Variants in TP53I13 observed in about 807,000 individuals in gnomAD.
TP53I13 encodes the protein tumor protein p53 inducible protein 13, also known as tumor protein p53-inducible protein 13.
In TP53I13, 27 loss-of-function variants were observed where a neutral mutation model predicts 39.1. That is an observed-to-expected ratio of 0.69 (90% CI 0.51 to 0.95). The LOEUF (loss-of-function observed/expected upper bound fraction) is 0.95. TP53I13 is among the 40% of genes least tolerant of loss of function. The probability of loss-of-function intolerance (pLI) is 0.00; values close to 1 mark genes in which losing one functional copy is unlikely to be tolerated. For missense variants in TP53I13, 544 were observed against 520.4 expected (o/e 1.05, Z -0.44); for synonymous variants, 230 against 224.6 (o/e 1.02, Z -0.22).
In TP53I13 at chr17:29,568,937, C is replaced by G; in HGVS notation, c.73-81C>G. ...CGCCGAGGGGGACGCGGAGTTCTTCCGCTGGCGGGCTGGGCCTGGGGAGAG... is the reference window on the plus strand; with the variant it reads ...CGCCGAGGGGGACGCGGAGTTCTTCGGCTGGCGGGCTGGGCCTGGGGAGAG... On this transcript the variant is annotated intron_variant, in intron 1 of 6. Transcript: ENST00000301057. The surrounding 1 kb of genome is among the most constrained non-coding windows in gnomAD (Gnocchi z 4.5). 2 of 1,594,942 alleles carry G rather than the reference C, an allele frequency of 1.3e-6. No homozygotes were observed. The highest frequency in any genetic ancestry group is 1.7e-6 in the Non-Finnish European group (2 of 1,172,876).
At chr17:29,581,979 C>T in the TP53I13 span, 1 of 1,612,912 alleles carries the variant, frequency 6.2e-7, no homozygotes, top group Non-Finnish European at 8.5e-7. This position sits in a 1 kb window ranked among gnomAD's most constrained non-coding sequence, Gnocchi z 4.8. Flanking sequence ...CCAGGGTCAG[C>T]CCCATACACT....
At chr17:29,566,302 A>G (rs1455246355), upstream of TP53I13, 2 of 1,611,690 alleles carry the variant, frequency 1.2e-6, no homozygotes, top group East Asian at 2.2e-5. Context: ...TCGGAAGCGG[A>G]TGTATGTGAC....
the TP53I13 span, chr17:29,581,721 C>T: frequency 1.3e-5 from 21 of 1,590,988 alleles, no homozygotes; most frequent in South Asian, 2.2e-5. The surrounding 1 kb of genome is among the most constrained non-coding windows in gnomAD (Gnocchi z 4.8). Flanking sequence ...CACAGCCAGG[C>T]GCCCCCCAAG....
At chr17:29,575,227 C>T (rs965496338), downstream of TP53I13, 2 of 1,567,070 alleles carry the variant, frequency 1.3e-6, no homozygotes, top group Non-Finnish European at 1.7e-6. The surrounding 1 kb of genome is among the most constrained non-coding windows in gnomAD (Gnocchi z 5.5). Context: ...CTCATGCTCT[C>T]TGCAACACCC....
chr17:29,573,211 G>T (rs1046938603), downstream of TP53I13: 4 of 319,128 alleles, frequency 1.3e-5, no homozygotes, highest in Admixed American at 2.0e-4. Context: ...CCGGACCCTC[G>T]TCCTAGGCCA....
chr17:29,573,233 T>G (rs368571618), downstream of TP53I13: 29 of 288,974 alleles, frequency 1.0e-4, no homozygotes, highest in Admixed American at 3.2e-4. Context: ...GGAGGTGGTG[T>G]TTGAGGCAGC....
chr17:29,576,098 C>T (rs748760392), downstream of TP53I13: 9 of 1,613,646 alleles, frequency 5.6e-6, no homozygotes, highest in African/African-American at 2.7e-5. Context: ...CCAGCAGGGA[C>T]GTGCACTGAA....
chr17:29,573,214 C>T (rs2033039644), downstream of TP53I13: 2 of 317,250 alleles, frequency 6.3e-6, no homozygotes, highest in East Asian at 5.4e-5. Context: ...GACCCTCGTC[C>T]TAGGCCATGG....
At chr17:29,575,276 T>G, downstream of TP53I13, 1 of 1,602,590 alleles carries the variant, frequency 6.2e-7, no homozygotes, top group Non-Finnish European at 8.5e-7. The surrounding 1 kb of genome is among the most constrained non-coding windows in gnomAD (Gnocchi z 5.5). Context: ...CACCTCCCCC[T>G]CCACTCAGTA....
downstream of TP53I13, chr17:29,574,514 C>G (rs1319815277): frequency 1.5e-6 from 1 of 647,950 alleles, no homozygotes; most frequent in African/African-American, 1.9e-5. Context: ...AAGCTCCTGC[C>G]CCCCCACCTC....
Position 29,571,669 on chromosome 17 carries a change from TG to T in TP53I13, c.263del (p.Cys88LeufsTer21), listed in dbSNP as rs1476805570. 2 of 1,614,138 alleles carry T rather than the reference TG, an allele frequency of 1.2e-6. No individual in the cohort carries two copies. The highest frequency in any genetic ancestry group is 1.7e-6 in the Non-Finnish European group (2 of 1,180,014). On this transcript the variant is annotated frameshift_variant, in exon 4 of 7. Transcript: ENST00000301057. LOFTEE classifies it high-confidence loss of function. ...CCAGCTTGCCCTCCTGGCCTATGCT[TG>T]TATGGCTAACCCTTCCCTCACCCCT... ...KLQLALLAYACMANPSLTPDF... is the reference protein window; with the variant it reads ...KLQLALLAYAXMANPSLTPDF...
In TP53I13 at chr17:29,572,400, G is replaced by A; in HGVS notation, c.772G>A (p.Ala258Thr). ...SVPTVSLLPG[A>T]PGGNASSRTE... Reference sequence around the variant, plus strand: ...GCCCACTGTCTCCCTGCTGCCGGGGGCGCCTGGAGGCAATGCCAGCTCCAG... The same window carrying A: ...GCCCACTGTCTCCCTGCTGCCGGGGACGCCTGGAGGCAATGCCAGCTCCAG... The change falls in exon 6 of 7, where the codon GCG becomes ACG. Residue 258 changes from alanine (A) to threonine (T), a missense_variant. Ala to Thr is a moderately conservative substitution (Grantham distance 58, BLOSUM62 0). Transcript: ENST00000301057. 6.3e-7 allele frequency: 1 copy of A among 1,593,830 alleles called. No homozygotes were observed. The highest frequency in any genetic ancestry group is 8.6e-7 in the Non-Finnish European group (1 of 1,166,368).
At chr17:29,582,001 G>A in the TP53I13 span, 36 of 1,612,734 alleles carry the variant, frequency 2.2e-5, no homozygotes, top group East Asian at 4.9e-4. Flanking sequence ...CAAGCAGCTC[G>A]GCCTGCAGTG....
At chr17:29,569,250 TC>T in intron 2 of TP53I13, 67 bp from the exon 3 acceptor site, 1 of 1,557,746 alleles carries the variant, frequency 6.4e-7, no homozygotes, top group Non-Finnish European at 8.8e-7. Context: ...GGGCCTGCCG[TC>T]CCCTCCCCAC....
the TP53I13 span, among the ~76,000 whole-genome samples, chr17:29,580,572 C>T: frequency 5.9e-5 from 9 of 152,192 alleles, no homozygotes; most frequent in Non-Finnish European, 1.2e-4. Context: ...GCAGAAACAC[C>T]TCATTCAACC....
Position 29,572,684 on chromosome 17 carries a change from G to C in TP53I13, c.1056G>C (p.Gln352His), listed in dbSNP as rs1460154034. 1 of 1,559,092 alleles carries C rather than the reference G, an allele frequency of 6.4e-7. No homozygotes were observed. Residue 352 changes from glutamine to histidine, a missense_variant, in exon 6 of 7, where the codon CAG becomes CAC. Coordinates refer to ENST00000301057, the MANE Select transcript of TP53I13 (RefSeq NM_138349.4). ...ACTGGGGGCCCACAGCGGACAGCCA[G>C]GACACAGTGGCTGGTGAGGAGTTCC... Reference protein sequence around the residue: ...SIYWGPTADSQDTVAAVLKRR... With the variant: ...SIYWGPTADSHDTVAAVLKRR...
At chr17:29,569,155 C>A in intron 2 of TP53I13, 69 bp downstream of exon 2, 1 of 1,517,300 alleles carries the variant, frequency 6.6e-7, no homozygotes, top group South Asian at 1.2e-5. Context: ...CTGTTCTCGC[C>A]GCACCCTCCA....
At chr17:29,582,274 G>C in the TP53I13 span, 2 of 669,926 alleles carry the variant, frequency 3.0e-6, no homozygotes, top group South Asian at 1.8e-5. Context: ...AGACTATGTC[G>C]GGAGGACAGA....
At position 29,569,318 on chromosome 17, in the gene TP53I13, G is replaced by T. The variant is rs1422547253; in HGVS notation, c.142G>T (p.Val48Leu). 1 of 1,613,810 alleles carries T rather than the reference G, an allele frequency of 6.2e-7. No homozygotes were observed. Among genetic ancestry groups the T allele is most frequent in the South Asian group, 1.1e-5 (1 of 90,996 alleles). Reference protein sequence around the residue: ...PESLWPLPPQVSPRVTYTRVS... With the variant: ...PESLWPLPPQLSPRVTYTRVS... ...AGCTCTGTTCTTTCCCCATGTATAGGTGTCACCAAGAGTGACCTACACACG... is the reference window on the plus strand; with the variant it reads ...AGCTCTGTTCTTTCCCCATGTATAGTTGTCACCAAGAGTGACCTACACACG... Residue 48 changes from valine to leucine, a missense_variant and splice_region_variant, in exon 3 of 7, where the codon GTG (valine) becomes TTG (leucine). Coordinates refer to ENST00000301057, the MANE Select transcript of TP53I13 (RefSeq NM_138349.4).
Sources: gnomAD v4.1 joint callset for allele counts (sites outside exome capture counted in the v4.1 genomes callset) on GRCh38, gnomAD v4.1.1 for gene constraint, Gnocchi (gnomAD v3.1) non-coding constraint, MANE v1.5 for transcripts, NCBI Gene and HGNC (gene_info 2026-07-23, HGNC 2026-07-21) for gene names.